C12orf42: variants seen among roughly 807,000 people sequenced by gnomAD.
C12orf42 encodes the protein chromosome 12 open reading frame 42.
Under a neutral mutation model 21.6 loss-of-function variants are expected in C12orf42, and 25 were observed. The ratio of observed to expected loss-of-function variants is 1.16; its 90% CI spans 0.84 to 1.62. The LOEUF (loss-of-function observed/expected upper bound fraction) is 1.62. Ranked by LOEUF, C12orf42 falls within the 40% of genes most tolerant of loss-of-function variation. The pLI, the probability that C12orf42 is intolerant of heterozygous loss-of-function variation, is 0.00. For missense variants in C12orf42, 483 were observed against 459.3 expected (o/e 1.05, Z -0.47); for synonymous variants, 174 against 175.0 (o/e 0.99, Z 0.05).
At chr12:103,442,832 T>A (rs530010803) in intron 2 of C12orf42, among the ~76,000 whole-genome samples, 11 of 152,174 alleles carry the variant, frequency 7.2e-5, no homozygotes, top group East Asian at 5.8e-4. Flanking sequence ...GTAAAAAAAA[T>A]TAATTTTTCA....
At chr12:103,047,744 T>C in the C12orf42 span, among the ~76,000 whole-genome samples, 1 of 152,268 alleles carries the variant, frequency 6.6e-6, no homozygotes, top group African/African-American at 2.4e-5. Context: ...GACATCAGCT[T>C]TGGGCCAGCT....
chr12:103,218,059 T>C, the C12orf42 span, among the ~76,000 whole-genome samples: 1 of 152,138 alleles, frequency 6.6e-6, no homozygotes, highest in African/African-American at 2.4e-5. Context: ...GGTGAGTGGA[T>C]TACCTGAGGT....
intron 4 of C12orf42, among the ~76,000 whole-genome samples, chr12:103,362,389 T>G (rs1328751457): frequency 6.6e-6 from 1 of 152,030 alleles, no homozygotes. Context: ...CCCTCTGACA[T>G]AGCCTACCCA....
At chr12:103,342,693 A>C (rs1666051632) in intron 4 of C12orf42, among the ~76,000 whole-genome samples, 1 of 129,962 alleles carries the variant, frequency 7.7e-6, no homozygotes, top group African/African-American at 2.9e-5. Flanking sequence ...CTACAAAAAC[A>C]AGCCCACTCT....
the C12orf42 span, among the ~76,000 whole-genome samples, chr12:103,136,024 CAT>C: frequency 1.3e-3 from 196 of 152,214 alleles, no homozygotes; most frequent in African/African-American, 4.6e-3. Flanking sequence ...TCTTATTTGA[CAT>C]AGTATTAGAA....
the C12orf42 span, among the ~76,000 whole-genome samples, chr12:103,096,668 A>G: frequency 2.0e-5 from 3 of 152,242 alleles, no homozygotes; most frequent in African/African-American, 7.2e-5. Context: ...CAAATAATCA[A>G]TAAATACTTC....
chr12:103,060,769 A>G, the C12orf42 span, among the ~76,000 whole-genome samples: 14 of 152,354 alleles, frequency 9.2e-5, no homozygotes, highest in Admixed American at 7.2e-4. Flanking sequence ...CTGGCTAGCC[A>G]TATGCAGAAA....
the C12orf42 span, among the ~76,000 whole-genome samples, chr12:103,143,598 C>T: frequency 6.6e-6 from 1 of 152,202 alleles, no homozygotes; most frequent in Non-Finnish European, 1.5e-5. Context: ...ACTTTTAAGG[C>T]CTCAATCCAT....
chr12:103,278,190 G>A (rs940425986), intron 4 of C12orf42, among the ~76,000 whole-genome samples: 2 of 152,138 alleles, frequency 1.3e-5, no homozygotes, highest in African/African-American at 4.8e-5. Flanking sequence ...TGGTGTGGGA[G>A]CAACAATGGG....
intron 4 of C12orf42, among the ~76,000 whole-genome samples, chr12:103,294,594 A>G (rs2037101484): frequency 7.5e-6 from 1 of 132,460 alleles, no homozygotes; most frequent in Non-Finnish European, 1.6e-5. Context: ...GAAAGAAAGA[A>G]AGAAAGAAAG....
chr12:103,249,458 T>C (rs1371901269), intron 10 of C12orf42, among the ~76,000 whole-genome samples: 3 of 151,854 alleles, frequency 2.0e-5, no homozygotes, highest in Non-Finnish European at 4.4e-5. Context: ...TCGACATAAG[T>C]GAAGGAAGAA....
At chr12:103,163,896 T>C in the C12orf42 span, among the ~76,000 whole-genome samples, 1 of 152,238 alleles carries the variant, frequency 6.6e-6, no homozygotes, top group Admixed American at 6.5e-5. Flanking sequence ...GTTACAGTGC[T>C]TCTTATTCTC....
chr12:103,048,215 G>C, the C12orf42 span, among the ~76,000 whole-genome samples: 2 of 151,178 alleles, frequency 1.3e-5, no homozygotes, highest in South Asian at 2.1e-4. Flanking sequence ...GGAAGGAGGG[G>C]AATAGTTCAT....
chr12:103,502,425 G>T, the C12orf42 span, among the ~76,000 whole-genome samples: 1 of 152,154 alleles, frequency 6.6e-6, no homozygotes, highest in African/African-American at 2.4e-5. Context: ...CTTAAGGAAT[G>T]GTGTGGTTTG....
chr12:103,273,299 T>C (rs939951753), intron 5 of C12orf42, among the ~76,000 whole-genome samples: 1 of 152,166 alleles, frequency 6.6e-6, no homozygotes, highest in African/African-American at 2.4e-5. Flanking sequence ...GTCACTAGGA[T>C]TTTTTTAAAG....
At chr12:103,281,467 A>G (rs1316152673) in intron 4 of C12orf42, among the ~76,000 whole-genome samples, 1 of 152,038 alleles carries the variant, frequency 6.6e-6, no homozygotes, top group Non-Finnish European at 1.5e-5. Context: ...GGTTCATGCC[A>G]TTCTCCTGCC....
the C12orf42 span, chr12:103,559,908 C>T: frequency 6.6e-5 from 10 of 152,216 alleles, no homozygotes. Context: ...ATGATCATCT[C>T]TCTGAATGCT....
At chr12:103,341,268 T>C (rs1484161791) in intron 4 of C12orf42, among the ~76,000 whole-genome samples, 12 of 152,056 alleles carry the variant, frequency 7.9e-5, no homozygotes, top group East Asian at 1.9e-4. Context: ...GGTGGGAGGA[T>C]TGTTGGTGCC....
At chr12:103,224,636 A>G in the C12orf42 span, among the ~76,000 whole-genome samples, 1 of 152,334 alleles carries the variant, frequency 6.6e-6, no homozygotes, top group Middle Eastern at 3.4e-3. Context: ...GGAGCCGGGG[A>G]GCAGAAAGTA....
Sources: allele counts gnomAD v4.1 joint callset (sites outside exome capture counted in the v4.1 genomes callset), GRCh38; gene constraint gnomAD v4.1.1; transcripts MANE v1.5; gene names NCBI Gene and HGNC (gene_info 2026-07-23, HGNC 2026-07-21).